UGT2A1: variants seen among roughly 807,000 people sequenced by gnomAD.
UGT2A1 encodes the protein UDP glucuronosyltransferase family 2 member A1 complex locus.
In UGT2A1, 61 loss-of-function variants were observed where a neutral mutation model predicts 45.4. The ratio of observed to expected loss-of-function variants is 1.34; its 90% CI spans 1.09 to 1.66. The LOEUF is 1.66. UGT2A1 is among the 40% of genes most tolerant of loss of function. The probability of loss-of-function intolerance (pLI) is 0.00; values close to 1 mark genes in which losing one functional copy is unlikely to be tolerated. For synonymous variants in UGT2A1, 229 were observed against 196.2 expected, an observed-to-expected ratio of 1.17 and a Z score of -1.40; for missense variants, 649 against 574.3, an observed-to-expected ratio of 1.13 and a Z score of -1.33.
rs370510666 is a variant in UGT2A1, at chr4:69,596,038, G to T, written c.997-789C>A. Among the ~76,000 whole-genome samples the T allele has an allele frequency of 2.0e-4, 31 of 152,274 alleles. No individual in the cohort carries two copies. The East Asian group carries it at 3.1e-3, about 15-fold the overall frequency. On this transcript the variant is annotated intron_variant, in intron 4 of 6. Transcript: ENST00000286604. The stretch of plus-strand genomic sequence containing the variant: ...AAAATAAATGACTTCAAAAAAGTAT[G>T]TGTTTCTAAAATAATGCCAAGGCTC...
At chr4:69,611,659 A>G (rs1294448780) in intron 3 of UGT2A1, among the ~76,000 whole-genome samples, 3 of 152,258 alleles carry the variant, frequency 2.0e-5, no homozygotes, top group East Asian at 3.9e-4. Flanking sequence ...ATTATTTTTC[A>G]TTAGGCTGGG....
intron 4 of UGT2A1, among the ~76,000 whole-genome samples, chr4:69,595,705 T>G (rs1156654401): frequency 6.6e-6 from 1 of 152,076 alleles, no homozygotes; most frequent in Middle Eastern, 3.2e-3. Flanking sequence ...AAGTCAGAAA[T>G]TGCATGTTGT....
rs1577950684 is a variant in UGT2A1 at position 69,599,354 on chromosome 4, T to G, written c.888A>C (p.Glu296Asp). Residue 296 changes from glutamate to aspartate, a missense_variant, in exon 4 of 7, where the codon GAA (glutamate) becomes GAC (aspartate). Glu to Asp is a conservative substitution (Grantham distance 45). Transcript: ENST00000286604. Reference sequence around the variant, plus strand: ...CCCAATATGTTCGGATTAACCAAATTTCAGCTTTCCCCATAGTCTCACATA... The same window carrying G: ...CCCAATATGTTCGGATTAACCAAATGTCAGCTTTCCCCATAGTCTCACATA... ...TTLCETMGKA[E>D]IWLIRTYWDF... is the part of the protein sequence containing the mutation. The G allele has an allele frequency of 1.2e-6, 2 of 1,613,712 alleles. No homozygotes were observed. The highest frequency in any genetic ancestry group is 1.7e-6 in the Non-Finnish European group (2 of 1,179,878).
chr4:69,645,627 C>T (rs1475378164), intron 2 of UGT2A1, among the ~76,000 whole-genome samples: 2 of 151,152 alleles, frequency 1.3e-5, no homozygotes, highest in East Asian at 1.9e-4. Context: ...AGTCTCACAC[C>T]TCTCAACTCT....
intron 3 of UGT2A1, among the ~76,000 whole-genome samples, chr4:69,613,652 G>A (rs1720199251): frequency 6.6e-6 from 1 of 151,836 alleles, no homozygotes; most frequent in African/African-American, 2.4e-5. Context: ...TTATCTCATG[G>A]ATGCAAAAAT....
chr4:69,636,031 C>T (rs1306637276), intron 2 of UGT2A1, among the ~76,000 whole-genome samples: 1 of 152,006 alleles, frequency 6.6e-6, no homozygotes, highest in Non-Finnish European at 1.5e-5. Flanking sequence ...TTGTTTTACT[C>T]ATTTCATCTG....
At chr4:69,615,864 A>AC (rs987095927) in intron 3 of UGT2A1, among the ~76,000 whole-genome samples, 2 of 151,922 alleles carry the variant, frequency 1.3e-5, no homozygotes, top group African/African-American at 4.8e-5. Context: ...TTCTCAAAAA[A>AC]CTAAAAATAA....
At chr4:69,593,976 TG>T (rs66709581) in intron 6 of UGT2A1, among the ~76,000 whole-genome samples, 54,788 of 118,288 alleles carry the variant, frequency 0.46, 14,017 homozygotes, top group South Asian at 0.59. Context: ...TCTTTTTTTT[TG>T]TTTGTTTTTT....
chr4:69,613,082 G>C (rs1196978570), intron 3 of UGT2A1, among the ~76,000 whole-genome samples: 3 of 151,728 alleles, frequency 2.0e-5, no homozygotes, highest in African/African-American at 7.3e-5. Flanking sequence ...GACATGAATA[G>C]ACACTTCACA....
intron 3 of UGT2A1, among the ~76,000 whole-genome samples, chr4:69,618,219 GTT>G (rs1491249181): frequency 1.1e-5 from 1 of 88,972 alleles, no homozygotes; most frequent in Non-Finnish European, 2.5e-5. Context: ...GTGTGTGTAT[GTT>G]TGTGTGTGTG....
At chr4:69,622,886 C>A (rs1720830984) in intron 3 of UGT2A1, among the ~76,000 whole-genome samples, 1 of 151,830 alleles carries the variant, frequency 6.6e-6, no homozygotes, top group South Asian at 2.1e-4. Flanking sequence ...GCTAAAAATT[C>A]AGCCTCATTT....
chr4:69,597,308 T>C (rs1669300582), intron 4 of UGT2A1, among the ~76,000 whole-genome samples: 1 of 152,188 alleles, frequency 6.6e-6, no homozygotes, highest in East Asian at 1.9e-4. Context: ...TCTTGATGTA[T>C]AAGCTGCCAT....
chr4:69,593,428 A>G (rs1718699399), intron 6 of UGT2A1, among the ~76,000 whole-genome samples: 1 of 151,858 alleles, frequency 6.6e-6, no homozygotes, highest in South Asian at 2.1e-4. Flanking sequence ...CTAAAATTAA[A>G]ACACATCATC....
chr4:69,632,116 T>A (rs1382411945), intron 3 of UGT2A1, among the ~76,000 whole-genome samples: 1 of 152,206 alleles, frequency 6.6e-6, no homozygotes, highest in Non-Finnish European at 1.5e-5. Context: ...TTCCTATGTG[T>A]TTATTTTCAA....
At chr4:69,626,357 A>G (rs1721059430) in intron 3 of UGT2A1, among the ~76,000 whole-genome samples, 2 of 151,620 alleles carry the variant, frequency 1.3e-5, no homozygotes, top group African/African-American at 4.8e-5. Context: ...CATGGCAAAA[A>G]AAAAACTATA....
At chr4:69,644,671 C>T (rs1722179535) in intron 2 of UGT2A1, among the ~76,000 whole-genome samples, 1 of 151,556 alleles carries the variant, frequency 6.6e-6, no homozygotes. Context: ...CTTGTATTCT[C>T]TGAATGACAG....
intron 3 of UGT2A1, 80 bp downstream of exon 3, chr4:69,635,611 C>T (rs1461882107): frequency 5.5e-6 from 1 of 180,604 alleles, no homozygotes; most frequent in Non-Finnish European, 1.2e-5. Context: ...GGGTGGATAA[C>T]TTGAGGTCAG....
At chr4:69,597,815 T>C (rs1719027979) in intron 4 of UGT2A1, among the ~76,000 whole-genome samples, 1 of 152,136 alleles carries the variant, frequency 6.6e-6, no homozygotes, top group Non-Finnish European at 1.5e-5. Context: ...GTTGTTTTTG[T>C]ATTCTGTGTA....
At chr4:69,601,552 T>A (rs755019800) in intron 3 of UGT2A1, among the ~76,000 whole-genome samples, 3 of 152,154 alleles carry the variant, frequency 2.0e-5, no homozygotes, top group Non-Finnish European at 4.4e-5. Flanking sequence ...AAAACACTTC[T>A]GCATGACCTC....
Sources: gnomAD v4.1 joint callset for allele counts (sites outside exome capture counted in the v4.1 genomes callset) on GRCh38, gnomAD v4.1.1 for gene constraint, MANE v1.5 for transcripts, NCBI Gene and HGNC (gene_info 2026-07-23, HGNC 2026-07-21) for gene names.